The following BMPR1B variants were observed in gnomAD, a reference collection of about 807,000 sequenced individuals.
BMPR1B encodes the protein bone morphogenetic protein receptor type-1B.
Under a neutral mutation model 59.1 loss-of-function variants are expected in BMPR1B, and 12 were observed. The observed-to-expected ratio is 0.20, with a 90% CI of 0.13 to 0.33. BMPR1B has a LOEUF of 0.33. Ranked by LOEUF, BMPR1B falls within the 10% of genes least tolerant of loss-of-function variation. The pLI, the probability that BMPR1B is intolerant of heterozygous loss-of-function variation, is 1.00. For missense variants in BMPR1B, 550 were observed against 610.9 expected (o/e 0.90, Z 1.05); for synonymous variants, 237 against 207.3 (o/e 1.14, Z -1.23).
chr4:94,869,700 CAT>C (rs1175969756), intron 1 of BMPR1B, among the ~76,000 whole-genome samples: 2 of 152,148 alleles, frequency 1.3e-5, no homozygotes, highest in Admixed American at 1.3e-4. Flanking sequence ...TCTAAGTATG[CAT>C]AGTTTTTATA....
chr4:94,833,457 G>A (rs1190921551), intron 1 of BMPR1B, among the ~76,000 whole-genome samples: 1 of 151,908 alleles, frequency 6.6e-6, no homozygotes, highest in Non-Finnish European at 1.5e-5. Flanking sequence ...TTCTTTTCCT[G>A]ATTCATTAAG....
intron 2 of BMPR1B, among the ~76,000 whole-genome samples, chr4:94,957,096 A>C (rs1730168764): frequency 6.6e-6 from 1 of 152,186 alleles, no homozygotes; most frequent in Non-Finnish European, 1.5e-5. Context: ...AAGTGTTGTG[A>C]GTCCTCTAAT....
intron 3 of BMPR1B, among the ~76,000 whole-genome samples, chr4:95,087,875 G>T (rs973127407): frequency 1.3e-5 from 2 of 152,074 alleles, no homozygotes; most frequent in African/African-American, 4.8e-5. Context: ...GCATACATTG[G>T]CTCAGTGCCA....
intron 2 of BMPR1B, among the ~76,000 whole-genome samples, chr4:94,982,757 C>T (rs764697005): frequency 1.3e-5 from 2 of 152,052 alleles, no homozygotes; most frequent in Non-Finnish European, 2.9e-5. Context: ...CTTTGGGAGG[C>T]TGAGGCGGGC....
chr4:95,100,827 CTT>C (rs1254703774), intron 3 of BMPR1B, among the ~76,000 whole-genome samples: 1 of 152,052 alleles, frequency 6.6e-6, no homozygotes, highest in African/African-American at 2.4e-5. Flanking sequence ...TTGTTATTCT[CTT>C]TTTATAGCAA....
At position 95,145,329 on chromosome 4, in the gene BMPR1B, C is replaced by A. The variant is rs564807386; in HGVS notation, c.1077-3419C>A. On this transcript the variant is annotated intron_variant, in intron 10 of 12. Coordinates refer to ENST00000515059, the MANE Select transcript of BMPR1B (RefSeq NM_001203.3). ...GAATTATTGTCTCTGAGTCTACAGCCCTTGTGCAGTATCTATCTTTTCTTG... is the reference window on the plus strand; with the variant it reads ...GAATTATTGTCTCTGAGTCTACAGCACTTGTGCAGTATCTATCTTTTCTTG... 1.4e-3 allele frequency among the ~76,000 whole-genome samples: 220 copies of A among 152,214 alleles called. 1 individual carries two copies. In the East Asian group the frequency reaches 0.034, roughly 23 times the overall value.
intron 4 of BMPR1B, among the ~76,000 whole-genome samples, chr4:95,109,255 A>G (rs112331647): frequency 0.028 from 4,292 of 152,210 alleles, 197 homozygotes; most frequent in African/African-American, 0.092. Context: ...TTCAGGGTTT[A>G]CAGATGTAAT....
At chr4:94,908,336 T>C (rs1728144646) in intron 2 of BMPR1B, among the ~76,000 whole-genome samples, 1 of 151,780 alleles carries the variant, frequency 6.6e-6, no homozygotes, top group Admixed American at 6.6e-5. Context: ...ATTGTTTTTT[T>C]TTTGGTTCCT....
intron 3 of BMPR1B, among the ~76,000 whole-genome samples, chr4:95,078,799 C>T (rs980273127): frequency 1.2e-4 from 18 of 152,136 alleles, no homozygotes; most frequent in Non-Finnish European, 8.8e-5. Context: ...GCTCTGCTAC[C>T]CAGGCTGGAG....
chr4:94,833,401 A>G (rs1724678918), intron 1 of BMPR1B, among the ~76,000 whole-genome samples: 1 of 152,184 alleles, frequency 6.6e-6, no homozygotes, highest in South Asian at 2.1e-4. Flanking sequence ...AACAAGACCC[A>G]TAAAGTAACC....
intron 2 of BMPR1B, among the ~76,000 whole-genome samples, chr4:94,968,005 A>G (rs548757988): frequency 5.3e-5 from 8 of 152,300 alleles, no homozygotes; most frequent in Middle Eastern, 3.4e-3. Flanking sequence ...GAAGGCAGTG[A>G]TAATAACATT....
At chr4:95,029,091 C>T (rs1295293719) in intron 3 of BMPR1B, among the ~76,000 whole-genome samples, 1 of 133,322 alleles carries the variant, frequency 7.5e-6, no homozygotes, top group African/African-American at 2.8e-5. Flanking sequence ...TTTTTTATTT[C>T]TTATTTTTTA....
intron 1 of BMPR1B, among the ~76,000 whole-genome samples, chr4:94,832,843 C>T (rs898569862): frequency 7.2e-5 from 11 of 151,950 alleles, no homozygotes; most frequent in Non-Finnish European, 1.2e-4. Flanking sequence ...GCTAAAGTCA[C>T]GCTGCATGGG....
intron 1 of BMPR1B, among the ~76,000 whole-genome samples, chr4:94,793,017 T>G (rs200175805): frequency 6.6e-6 from 1 of 151,926 alleles, no homozygotes; most frequent in Non-Finnish European, 1.5e-5. Context: ...TTTTTTTCTT[T>G]TTTTTTATTA....
chr4:95,060,314 AGAG>A (rs1290716688), intron 3 of BMPR1B, among the ~76,000 whole-genome samples: 1 of 152,226 alleles, frequency 6.6e-6, no homozygotes, highest in African/African-American at 2.4e-5. Context: ...TTTCAGAACA[AGAG>A]AAGAAACTGT....
At chr4:94,943,290 C>T (rs1422702646) in intron 2 of BMPR1B, among the ~76,000 whole-genome samples, 1 of 152,146 alleles carries the variant, frequency 6.6e-6, no homozygotes, top group Non-Finnish European at 1.5e-5. Context: ...CAGGCATGCG[C>T]CACCATGCCC....
intron 2 of BMPR1B, among the ~76,000 whole-genome samples, chr4:94,986,583 G>A (rs1028681303): frequency 4.6e-5 from 7 of 151,404 alleles, no homozygotes; most frequent in Non-Finnish European, 4.4e-5. Flanking sequence ...TTGACACCAC[G>A]TTTCAAGAAA....
chr4:94,902,998 G>T (rs1727889871), intron 2 of BMPR1B, among the ~76,000 whole-genome samples: 1 of 152,008 alleles, frequency 6.6e-6, no homozygotes, highest in African/African-American at 2.4e-5. Flanking sequence ...GTAATGCTTG[G>T]CACATAGCAG....
chr4:94,842,102 A>G (rs1191882891), intron 1 of BMPR1B, among the ~76,000 whole-genome samples: 1 of 152,182 alleles, frequency 6.6e-6, no homozygotes, highest in Non-Finnish European at 1.5e-5. Context: ...GTGCTTGGAC[A>G]AGTAGCCTGA....
Sources: gnomAD v4.1 joint callset for allele counts (sites outside exome capture counted in the v4.1 genomes callset) on GRCh38, gnomAD v4.1.1 for gene constraint, MANE v1.5 for transcripts, NCBI Gene and HGNC (gene_info 2026-07-23, HGNC 2026-07-21) for gene names.